The following ZFYVE26 variants were observed in gnomAD, a reference collection of about 807,000 sequenced individuals.
ZFYVE26 encodes zinc finger FYVE domain-containing protein 26.
In ZFYVE26, 181 loss-of-function variants were observed where a neutral mutation model predicts 276.5. The ratio of observed to expected loss-of-function variants is 0.65; its 90% confidence interval spans 0.58 to 0.74. The LOEUF is 0.74. ZFYVE26 is among the 30% of genes least tolerant of loss of function. The pLI is 0.00. For missense variants in ZFYVE26, 2,821 were observed against 3,097.9 expected, an observed-to-expected ratio of 0.91 and a Z score of 2.12; for synonymous variants, 1,129 against 1,203.1, an observed-to-expected ratio of 0.94 and a Z score of 1.27.
chr14:67,750,705 C>T, intron 41 of ZFYVE26: 1 of 376,326 alleles, frequency 2.7e-6, no homozygotes, highest in Non-Finnish European at 5.1e-6. Flanking sequence ...CTCTGGGAAC[C>T]TCAATCCATC....
intron 35 of ZFYVE26, among the ~76,000 whole-genome samples, chr14:67,760,567 T>G (rs544898904): frequency 6.6e-6 from 1 of 152,108 alleles, no homozygotes; most frequent in South Asian, 2.1e-4. Context: ...AACATTCAGA[T>G]AAAAAAAGGA....
intron 13 of ZFYVE26, chr14:67,733,976 C>T (rs2038320563): frequency 1.5e-6 from 1 of 679,882 alleles, no homozygotes; most frequent in Admixed American, 2.1e-5. Flanking sequence ...TGCTCTGATC[C>T]TCTTGACCCT....
intron 25 of ZFYVE26, among the ~76,000 whole-genome samples, chr14:67,776,309 C>A (rs1300343581): frequency 1.3e-5 from 2 of 152,222 alleles, no homozygotes; most frequent in Admixed American, 1.3e-4. Flanking sequence ...CAAGTACCTT[C>A]ACCAGATGAG....
chr14:67,799,648 A>T, intron 10 of ZFYVE26: 2 of 1,341,474 alleles, frequency 1.5e-6, no homozygotes, highest in Non-Finnish European at 2.1e-6. Flanking sequence ...GTGTAAATTG[A>T]TGCCATGGTA....
chr14:67,799,217 A>C lies in ZFYVE26; in HGVS notation c.1640-595T>G, dbSNP rs1478606354. On this transcript the variant is annotated intron_variant, in intron 10 of 41. Transcript: ENST00000347230. Reference sequence around the variant, plus strand: ...TTCAGAAGAAGAGCTGGCTGATATTAAACAGGCCTATCTGGACTTCAAGGG... The same window carrying C: ...TTCAGAAGAAGAGCTGGCTGATATTCAACAGGCCTATCTGGACTTCAAGGG... 5 of 1,612,718 alleles carry C rather than the reference A, an allele frequency of 3.1e-6. No individual in the cohort carries two copies. The East Asian group carries it at 1.1e-4, about 36-fold the overall frequency.
chr14:67,804,047 G>C (rs2040128746), intron 9 of ZFYVE26, 54 bp downstream of exon 9: 2 of 1,603,522 alleles, frequency 1.2e-6, no homozygotes, highest in African/African-American at 1.3e-5. Context: ...TGGAAGAAAT[G>C]TGTAAGAATG....
rs1203857703 is a variant in ZFYVE26, at chr14:67,746,786, A to C, written c.*1650T>G. The stretch of plus-strand genomic sequence containing the variant: ...CCATTAGTATAAAGTGCTTATGTTC[A>C]GTGCAAAAAAGGCAGACTCAGAAGG... On this transcript the variant is annotated 3_prime_UTR_variant, in exon 42 of 42. Coordinates refer to ENST00000347230, the MANE Select transcript of ZFYVE26 (RefSeq NM_015346.4). 1 of 152,612 alleles carries C rather than the reference A, an allele frequency of 6.6e-6. No homozygotes were observed. Among genetic ancestry groups the C allele is most frequent in the African/African-American group, 2.4e-5 (1 of 41,444 alleles). The allele number at this position is 152,612 out of a possible 1,614,324, so 9.5% of individuals were successfully genotyped here. A position where few individuals can be genotyped will look rare whatever the true frequency, so the allele number is the denominator to read the frequency against.
At chr14:67,770,496 A>G (rs949985007) in intron 28 of ZFYVE26, 2 of 151,940 alleles carry the variant, frequency 1.3e-5, no homozygotes, top group Admixed American at 1.3e-4. Flanking sequence ...TTAAAAACAT[A>G]AACACTTAGG....
At chr14:67,738,292 T>C (rs1465148201) in intron 13 of ZFYVE26, among the ~76,000 whole-genome samples, 1 of 150,302 alleles carries the variant, frequency 6.7e-6, no homozygotes. Context: ...AAAACTAATC[T>C]GTGGTATGAT....
chr14:67,790,422 G>A (rs2039779527), intron 15 of ZFYVE26, 150 bp downstream of exon 15: 3 of 806,362 alleles, frequency 3.7e-6, no homozygotes, highest in East Asian at 2.7e-5. Flanking sequence ...TGGAAAACTG[G>A]ACGTATCAGG....
chr14:67,729,376 T>C (rs756887056), exon 14 of ZFYVE26: 1 of 1,597,432 alleles, frequency 6.3e-7, no homozygotes, highest in South Asian at 1.1e-5. Context: ...TGGCAAGTAC[T>C]TCAGGTGTGT....
chr14:67,734,240 T>G (rs1166697559), intron 13 of ZFYVE26: 2 of 219,134 alleles, frequency 9.1e-6, no homozygotes, highest in Non-Finnish European at 1.9e-5. Context: ...GGCTATACAC[T>G]CCAACTCTTG....
At chr14:67,798,876 A>C in intron 10 of ZFYVE26, 1 of 874,218 alleles carries the variant, frequency 1.1e-6, no homozygotes, top group Non-Finnish European at 1.7e-6. Flanking sequence ...GGGCCTCCCC[A>C]GCCTTTTGGC....
intron 14 of ZFYVE26, among the ~76,000 whole-genome samples, chr14:67,791,796 G>A (rs1349484522): frequency 6.6e-6 from 1 of 151,592 alleles, no homozygotes; most frequent in Admixed American, 6.6e-5. Flanking sequence ...GTGGTGGCTC[G>A]TGCCTGTAAT....
rs116524642 is a variant in ZFYVE26 at position 67,754,962 on chromosome 14, A to G, written c.6986+89T>C. 5.9e-3 allele frequency: 8,521 copies of G among 1,439,414 alleles called. 85 individuals are homozygous for G. The highest frequency in any genetic ancestry group is 0.043 in the African/African-American group (3,060 of 71,108). The allele number at this position is 1,439,414 out of a possible 1,614,324, so 89.2% of individuals were successfully genotyped here. ...CCTTTAGATTTTTTTTCAGGATTCA[A>G]GGAATGGACAAGAGTAGCTTCATCA... is the stretch of plus-strand genomic sequence containing the variant. On this transcript the variant is annotated intron_variant, in intron 37 of 41. Coordinates refer to ENST00000347230, the MANE Select transcript of ZFYVE26 (RefSeq NM_015346.4).
chr14:67,741,020 C>T (rs2038410736), intron 13 of ZFYVE26, among the ~76,000 whole-genome samples: 1 of 152,130 alleles, frequency 6.6e-6, no homozygotes, highest in Admixed American at 6.6e-5. Flanking sequence ...TATAGACCCT[C>T]GACTACTGAA....
chr14:67,760,085 A>G (rs1295347168), intron 35 of ZFYVE26, among the ~76,000 whole-genome samples: 1 of 152,222 alleles, frequency 6.6e-6, no homozygotes, highest in Non-Finnish European at 1.5e-5. Flanking sequence ...AAGCAAGGGC[A>G]CTGCTGTCGT....
intron 13 of ZFYVE26, among the ~76,000 whole-genome samples, chr14:67,740,769 G>A (rs576958508): frequency 2.0e-5 from 3 of 152,184 alleles, no homozygotes; most frequent in Non-Finnish European, 4.4e-5. Context: ...TTAGCCGGGC[G>A]CAGTGGCAGG....
At chr14:67,759,044 C>T (rs2038860890) in intron 35 of ZFYVE26, among the ~76,000 whole-genome samples, 3 of 150,870 alleles carry the variant, frequency 2.0e-5, no homozygotes. Context: ...TTGAGACCAT[C>T]CTGGCTAACA....
Sources: gnomAD v4.1 joint callset for allele counts (sites outside exome capture counted in the v4.1 genomes callset) on GRCh38, gnomAD v4.1.1 for gene constraint, MANE v1.5 for transcripts, NCBI Gene and HGNC (gene_info 2026-07-23, HGNC 2026-07-21) for gene names.